Variants in POTEJ observed in about 807,000 individuals in gnomAD.
The protein encoded by POTEJ is POTE ankyrin domain family, member J.
In POTEJ, 11 loss-of-function variants were observed where a neutral mutation model predicts 69.0. That is an observed-to-expected ratio of 0.16 (90% CI 0.10 to 0.26). The LOEUF (loss-of-function observed/expected upper bound fraction) is 0.26. Ranked by LOEUF, POTEJ falls within the 10% of genes least tolerant of loss-of-function variation. The probability of loss-of-function intolerance (pLI) is 1.00; values close to 1 mark genes in which losing one functional copy is unlikely to be tolerated. For synonymous variants in POTEJ, 117 were observed against 381.1 expected, an observed-to-expected ratio of 0.31 and a Z score of 8.07; for missense variants, 327 against 1,045.5, an observed-to-expected ratio of 0.31 and a Z score of 9.48.
chr2:130,618,774 C>CTTTTTTTTT (rs1204750696), intron 3 of POTEJ, among the ~76,000 whole-genome samples: 3 of 32,218 alleles, frequency 9.3e-5, no homozygotes, highest in Non-Finnish European at 1.5e-4. Context: ...ATTAATCTGA[C>CTTTTTTTTT]TTTTTTTTTT....
At chr2:130,652,093 T>C (rs1686830051) in intron 13 of POTEJ, among the ~76,000 whole-genome samples, 1 of 137,978 alleles carries the variant, frequency 7.2e-6, no homozygotes, top group African/African-American at 3.1e-5. Flanking sequence ...GTTTCCTCCA[T>C]GCTGTTCTTG....
In POTEJ at chr2:130,624,802, A is replaced by G. The variant is rs545370879; in HGVS notation, c.1015+668A>G. 2.9e-3 allele frequency among the ~76,000 whole-genome samples: 434 copies of G among 152,004 alleles called. 1 individual carries two copies. Among genetic ancestry groups the G allele is most frequent in the African/African-American group, 0.01 (413 of 41,206 alleles). ...ATGCTTGTCCCAATAAGGTCTCACT[A>G]TTACTGACTTCATTCCTCCTCATTT... On this transcript the variant is annotated intron_variant, in intron 6 of 14. Coordinates refer to ENST00000409602, the MANE Select transcript of POTEJ (RefSeq NM_001277083.2).
chr2:130,614,525 G>A (rs1482278177), intron 1 of POTEJ, among the ~76,000 whole-genome samples: 2 of 148,816 alleles, frequency 1.3e-5, no homozygotes, highest in African/African-American at 2.6e-5. Context: ...GTGCAAAGAT[G>A]TACTTTGCTA....
intron 10 of POTEJ, among the ~76,000 whole-genome samples, chr2:130,638,960 A>G (rs1278137495): frequency 9.9e-5 from 15 of 152,222 alleles, no homozygotes; most frequent in Admixed American, 2.0e-4. Flanking sequence ...TCTGGGGGCA[A>G]AGTGAGACAG....
intron 9 of POTEJ, among the ~76,000 whole-genome samples, chr2:130,637,456 C>T (rs541495945): frequency 1.3e-4 from 20 of 150,082 alleles, no homozygotes; most frequent in African/African-American, 3.6e-4. Context: ...TCGCATAAGG[C>T]GGCCACACAA....
chr2:130,640,613 C>A (rs557104821), intron 10 of POTEJ, among the ~76,000 whole-genome samples: 1 of 151,852 alleles, frequency 6.6e-6, no homozygotes, highest in East Asian at 1.9e-4. Context: ...CTTGTTCTCA[C>A]AACACAACAT....
At chr2:130,615,711 C>CGT (rs767686110) in intron 1 of POTEJ, among the ~76,000 whole-genome samples, 200 of 148,748 alleles carry the variant, frequency 1.3e-3, no homozygotes, top group African/African-American at 2.5e-3. Context: ...CCTTGGTGCA[C>CGT]ATTTACCTAT....
chr2:130,650,107 T>G (rs1469070355), intron 13 of POTEJ, among the ~76,000 whole-genome samples: 10 of 152,270 alleles, frequency 6.6e-5, no homozygotes, highest in Non-Finnish European at 1.5e-4. Context: ...CCAGGGATGC[T>G]CTCTAACGTA....
At chr2:130,644,550 T>C (rs1390643686) in intron 11 of POTEJ, among the ~76,000 whole-genome samples, 1 of 152,240 alleles carries the variant, frequency 6.6e-6, no homozygotes, top group Non-Finnish European at 1.5e-5. Flanking sequence ...GAAGAATCAA[T>C]AGATTCTAAT....
Position 130,656,027 on chromosome 2 carries a change from A to ATG in POTEJ, c.1789-520_1789-519dup, listed in dbSNP as rs1686973239. 1.4e-5 allele frequency among the ~76,000 whole-genome samples: 2 copies of ATG among 144,106 alleles called. 1 individual carries two copies. Among genetic ancestry groups the ATG allele is most frequent in the Non-Finnish European group, 3.1e-5 (2 of 65,276 alleles). 94.5% of individuals were successfully genotyped at this position (144,106 alleles called of 152,430 possible). A position where few individuals can be genotyped will look rare whatever the true frequency, so the allele number is the denominator to read the frequency against. ...ATAACTGAGTATAGAAATATTAGAAATGTAGAATATCGGTAAAATGTTCTT... is the reference window on the plus strand; with the variant it reads ...ATAACTGAGTATAGAAATATTAGAAATGTGTAGAATATCGGTAAAATGTTCTT... On this transcript the variant is annotated intron_variant, in intron 14 of 14. Transcript: ENST00000409602.
rs879596454 is a variant in POTEJ, at chr2:130,652,915, G to T, written c.1668-2006G>T. Among the ~76,000 whole-genome samples the T allele has an allele frequency of 1.4e-4, 19 of 139,134 alleles. 1 individual carries two copies. Among genetic ancestry groups the T allele is most frequent in the Admixed American group, 6.5e-4 (9 of 13,766 alleles). 91.3% of individuals were successfully genotyped at this position (139,134 alleles called of 152,430 possible). A position where few individuals can be genotyped will look rare whatever the true frequency, so the allele number is the denominator to read the frequency against. On this transcript the variant is annotated intron_variant, in intron 13 of 14. Coordinates refer to ENST00000409602, the MANE Select transcript of POTEJ (RefSeq NM_001277083.2). ...GCCACTTTCCAATGGAATTATTTGC[G>T]TTTTTCCTGTTGATTTGTTTGAGTT...
At chr2:130,655,549 A>G (rs1404075266) in intron 14 of POTEJ, among the ~76,000 whole-genome samples, 3 of 152,240 alleles carry the variant, frequency 2.0e-5, no homozygotes, top group Non-Finnish European at 4.4e-5. Context: ...ATGACATGCC[A>G]TGATACACAT....
intron 1 of POTEJ, among the ~76,000 whole-genome samples, chr2:130,613,341 T>C (rs975959859): frequency 7.5e-6 from 1 of 133,058 alleles, no homozygotes; most frequent in Non-Finnish European, 1.5e-5. Context: ...TATATACATA[T>C]ATATGTGTGT....
In POTEJ at chr2:130,657,074, C is replaced by A. The variant is rs753442002; in HGVS notation, c.2314C>A (p.Pro772Thr). The A allele has an allele frequency of 3.2e-5, 51 of 1,580,744 alleles. 6 individuals are homozygous for A. Among genetic ancestry groups the A allele is most frequent in the Non-Finnish European group, 4.1e-5 (47 of 1,156,804 alleles). ...EEHPILLTEA[P>T]LNPKANREKM... ...GCACCCCATCCTGCTGACCGAGGCC[C>A]CCCTGAACCCCAAGGCCAACCGCGA... Residue 772 changes from proline to threonine, a missense_variant, in exon 15 of 15, where the codon CCC (proline) becomes ACC (threonine). Transcript: ENST00000409602.
intron 6 of POTEJ, among the ~76,000 whole-genome samples, chr2:130,626,961 G>A (rs1685733463): frequency 6.6e-6 from 1 of 152,142 alleles, no homozygotes. Flanking sequence ...CAGTGGCAGT[G>A]GGAATATAAA....
intron 13 of POTEJ, among the ~76,000 whole-genome samples, chr2:130,652,936 G>C (rs910667543): frequency 2.1e-5 from 3 of 141,026 alleles, no homozygotes; most frequent in Non-Finnish European, 4.7e-5. Flanking sequence ...TGATTTGTTT[G>C]AGTTTCTTGT....
chr2:130,625,325 C>A (rs1300494889), intron 6 of POTEJ, among the ~76,000 whole-genome samples: 1 of 152,032 alleles, frequency 6.6e-6, no homozygotes, highest in Non-Finnish European at 1.5e-5. Context: ...TAGATAGTAA[C>A]CATTTTTCTA....
chr2:130,618,485 TC>T (rs1284996757), intron 3 of POTEJ, among the ~76,000 whole-genome samples: 1 of 149,448 alleles, frequency 6.7e-6, no homozygotes, highest in Non-Finnish European at 1.5e-5. Flanking sequence ...ATGGCTGTAG[TC>T]CCAGCTGCTA....
chr2:130,633,669 G>T (rs572631870), intron 9 of POTEJ, among the ~76,000 whole-genome samples: 1 of 145,888 alleles, frequency 6.9e-6, no homozygotes, highest in Admixed American at 6.8e-5. Flanking sequence ...TACCTTGTTA[G>T]CAACAAGATT....
Sources: gnomAD v4.1 joint callset for allele counts (sites outside exome capture counted in the v4.1 genomes callset) on GRCh38, gnomAD v4.1.1 for gene constraint, MANE v1.5 for transcripts, NCBI Gene and HGNC (gene_info 2026-07-23, HGNC 2026-07-21) for gene names.